LRRC8A: variants seen among roughly 807,000 people sequenced by gnomAD.
LRRC8A encodes leucine rich repeat containing 8 VRAC subunit A, also known as volume-regulated anion channel subunit LRRC8A.
In LRRC8A, 24 loss-of-function variants were observed where a neutral mutation model predicts 52.5. The observed-to-expected ratio is 0.46, with a 90% CI of 0.33 to 0.64. The LOEUF is 0.64. LRRC8A is among the 30% of genes least tolerant of loss of function. The pLI is 0.02. For synonymous variants in LRRC8A, 492 were observed against 494.2 expected, an observed-to-expected ratio of 1.00 and a Z score of 0.06; for missense variants, 677 against 1,094.7, an observed-to-expected ratio of 0.62 and a Z score of 5.38.
At position 128,907,719 on chromosome 9, in the gene LRRC8A, G is replaced by A. The variant is rs748149279; in HGVS notation, c.555G>A (p.Pro185=). ...TGGTGGAGGAGAGCGACCCCAAGCCGGCCTTCAGCAAGATGAATGGGTCCA... is the reference window on the plus strand; with the variant it reads ...TGGTGGAGGAGAGCGACCCCAAGCCAGCCTTCAGCAAGATGAATGGGTCCA... ...ETVVEESDPK[P]AFSKMNGSMD... Residue 185 remains proline (P), a synonymous_variant, in exon 3 of 4, where the codon CCG becomes CCA. Transcript: ENST00000372600. This position sits in a 1 kb window ranked among gnomAD's most constrained non-coding sequence, Gnocchi z 9.3. 9.9e-6 allele frequency: 16 copies of A among 1,613,286 alleles called. No homozygotes were observed. Among genetic ancestry groups the A allele is most frequent in the Middle Eastern group, 1.6e-4 (1 of 6,084 alleles).
chr9:128,883,586 T>C (rs1243504941), intron 1 of LRRC8A, among the ~76,000 whole-genome samples: 1 of 150,012 alleles, frequency 6.7e-6, no homozygotes, highest in African/African-American at 2.5e-5. Context: ...GATGAGTGAC[T>C]GGGTGGCTGG....
chr9:128,886,636 T>C (rs1839408259), intron 2 of LRRC8A, among the ~76,000 whole-genome samples: 1 of 152,190 alleles, frequency 6.6e-6, no homozygotes, highest in African/African-American at 2.4e-5. Flanking sequence ...TGTAGACATC[T>C]TTGGGGACTG....
Position 128,911,714 on chromosome 9 carries a change from G to A in LRRC8A, c.2157+2393G>A, listed in dbSNP as rs1840541148. Among the ~76,000 whole-genome samples, 3 of 152,192 alleles carry A rather than the reference G, an allele frequency of 2.0e-5. No homozygotes were observed. Among genetic ancestry groups the A allele is most frequent in the Admixed American group, 2.0e-4 (3 of 15,280 alleles). The stretch of plus-strand genomic sequence containing the variant: ...CCTGCTGGCTGAGGTCACCCCTCAG[G>A]AAAGGAGCTGGCGGCAAGCACGCTG... On this transcript the variant is annotated intron_variant, in intron 3 of 3. Coordinates refer to ENST00000372600, the MANE Select transcript of LRRC8A (RefSeq NM_019594.4). This position sits in a 1 kb window ranked among gnomAD's most constrained non-coding sequence, Gnocchi z 4.9.
chr9:128,901,677 T>A (rs1840031891), intron 2 of LRRC8A, among the ~76,000 whole-genome samples: 1 of 152,160 alleles, frequency 6.6e-6, no homozygotes, highest in Admixed American at 6.5e-5. Flanking sequence ...AAACTGAGGC[T>A]GCAAGCAGTG....
At chr9:128,912,057 C>T (rs967186289) in intron 3 of LRRC8A, among the ~76,000 whole-genome samples, 1 of 152,216 alleles carries the variant, frequency 6.6e-6, no homozygotes, top group African/African-American at 2.4e-5. Context: ...TTCGTTCACT[C>T]GTTTACTGAT....
chr9:128,912,912 C>G (rs1254401512), intron 3 of LRRC8A: 1 of 152,058 alleles, frequency 6.6e-6, no homozygotes, highest in Non-Finnish European at 1.5e-5. Flanking sequence ...GTGACTTGAG[C>G]TTTTTTTTGT....
intron 2 of LRRC8A, among the ~76,000 whole-genome samples, chr9:128,901,274 C>A (rs1237529647): frequency 6.6e-6 from 1 of 152,124 alleles, no homozygotes; most frequent in East Asian, 1.9e-4. Flanking sequence ...ACCATCCTGG[C>A]CAACATAGTG....
intron 2 of LRRC8A, among the ~76,000 whole-genome samples, chr9:128,893,645 G>A (rs768851731): frequency 2.0e-5 from 3 of 152,028 alleles, no homozygotes; most frequent in Non-Finnish European, 2.9e-5. Context: ...TCTAATGTAC[G>A]GATGGCAGCT....
intron 2 of LRRC8A, among the ~76,000 whole-genome samples, chr9:128,886,681 C>T (rs1412240189): frequency 1.3e-5 from 2 of 152,144 alleles, no homozygotes; most frequent in Non-Finnish European, 2.9e-5. Context: ...AAACAGTTCC[C>T]AGAGGCAGGA....
intron 3 of LRRC8A, among the ~76,000 whole-genome samples, chr9:128,909,667 A>G (rs1374299197): frequency 6.6e-6 from 1 of 152,184 alleles, no homozygotes; most frequent in Non-Finnish European, 1.5e-5. Context: ...CTTGGGCAGG[A>G]GGTCCAAACC....
intron 1 of LRRC8A, chr9:128,882,474 C>T (rs1170795219): frequency 5.3e-6 from 2 of 377,830 alleles, no homozygotes; most frequent in African/African-American, 2.1e-5. Flanking sequence ...GCGCGCGAGC[C>T]CCCTCCCAGG....
intron 1 of LRRC8A, among the ~76,000 whole-genome samples, chr9:128,884,422 G>T (rs1036207330): frequency 6.6e-6 from 1 of 151,798 alleles, no homozygotes; most frequent in African/African-American, 2.4e-5. Flanking sequence ...CATTCATTCA[G>T]CCATTCTTTA....
At chr9:128,910,346 G>A (rs533097613) in intron 3 of LRRC8A, among the ~76,000 whole-genome samples, 8 of 152,262 alleles carry the variant, frequency 5.3e-5, no homozygotes, top group African/African-American at 1.2e-4. Flanking sequence ...CTGTCGTGCC[G>A]GGCCCCTGTG....
intron 2 of LRRC8A, among the ~76,000 whole-genome samples, chr9:128,890,807 G>T (rs750110234): frequency 4.6e-5 from 7 of 152,144 alleles, no homozygotes; most frequent in African/African-American, 7.2e-5. Flanking sequence ...TTCATAACAG[G>T]TTAAGACCTG....
At chr9:128,884,181 C>T (rs540006716) in intron 1 of LRRC8A, among the ~76,000 whole-genome samples, 154 of 152,252 alleles carry the variant, frequency 1.0e-3, no homozygotes, top group African/African-American at 3.3e-3. Context: ...TGGCCGGACC[C>T]TGGGTTGCTG....
rs997488394 is a variant in LRRC8A at position 128,892,207 on chromosome 9, G to A, written c.-9+6086G>A. ...CATGAAGGTTGGGAGATGGGGCAAGGACATACTGGGCACTTAGTTGACGGT... is the reference window on the plus strand; with the variant it reads ...CATGAAGGTTGGGAGATGGGGCAAGAACATACTGGGCACTTAGTTGACGGT... On this transcript the variant is annotated intron_variant, in intron 2 of 3. Transcript: ENST00000372600. The surrounding 1 kb of genome is among the most constrained non-coding windows in gnomAD (Gnocchi z 5.2). Among the ~76,000 whole-genome samples, 9 of 152,182 alleles carry A rather than the reference G, an allele frequency of 5.9e-5. No homozygotes were observed. The highest frequency in any genetic ancestry group is 1.3e-4 in the Non-Finnish European group (9 of 68,030).
In LRRC8A at chr9:128,902,047, A is replaced by G. The variant is rs1274341504; in HGVS notation, c.-8-5110A>G. Among the ~76,000 whole-genome samples the G allele has an allele frequency of 6.6e-6, 1 of 152,200 alleles. No homozygotes were observed. The highest frequency in any genetic ancestry group is 1.5e-5 in the Non-Finnish European group (1 of 68,030). ...CTTACCAGGGGTAGGCCCAGGCACC[A>G]GCCGGGCCAGGCCTGTGAGAGACTC... On this transcript the variant is annotated intron_variant, in intron 2 of 3. Coordinates refer to ENST00000372600, the MANE Select transcript of LRRC8A (RefSeq NM_019594.4). This position sits in a 1 kb window ranked among gnomAD's most constrained non-coding sequence, Gnocchi z 4.1.
chr9:128,914,440 G>A (rs2131063169), intron 3 of LRRC8A, among the ~76,000 whole-genome samples: 1 of 152,274 alleles, frequency 6.6e-6, no homozygotes, highest in African/African-American at 2.4e-5. Context: ...GGAAACTGAG[G>A]CCCAGAGAGG....
chr9:128,895,110 G>A (rs562966711), intron 2 of LRRC8A, among the ~76,000 whole-genome samples: 25 of 152,052 alleles, frequency 1.6e-4, no homozygotes, highest in Non-Finnish European at 2.4e-4. Flanking sequence ...GGCTTCTTTC[G>A]CAGATAACAC....
Sources: gnomAD v4.1 joint callset for allele counts (sites outside exome capture counted in the v4.1 genomes callset) on GRCh38, gnomAD v4.1.1 for gene constraint, Gnocchi (gnomAD v3.1) non-coding constraint, MANE v1.5 for transcripts, NCBI Gene and HGNC (gene_info 2026-07-23, HGNC 2026-07-21) for gene names.